The following QTMAN variants were observed in gnomAD, a reference collection of about 807,000 sequenced individuals.
QTMAN encodes the protein tRNA-queuosine alpha-mannosyltransferase.
chr2:144,120,878 C>T, the QTMAN span, among the ~76,000 whole-genome samples: 1 of 152,182 alleles, frequency 6.6e-6, no homozygotes, highest in Non-Finnish European at 1.5e-5. Flanking sequence ...ATCTTCGTTA[C>T]ATCCAAACCA....
the QTMAN span, among the ~76,000 whole-genome samples, chr2:144,191,841 TAA>T: frequency 6.6e-6 from 1 of 152,214 alleles, no homozygotes; most frequent in African/African-American, 2.4e-5. Context: ...CAAGAATCCA[TAA>T]GTTAATTATC....
chr2:144,268,995 G>A, the QTMAN span, among the ~76,000 whole-genome samples: 30 of 152,036 alleles, frequency 2.0e-4, no homozygotes. Flanking sequence ...CATCATGTTG[G>A]CCAGGGTGGT....
chr2:144,250,168 C>T, the QTMAN span, among the ~76,000 whole-genome samples: 1 of 149,338 alleles, frequency 6.7e-6, no homozygotes, highest in African/African-American at 2.5e-5. Flanking sequence ...TGGAGTCTCG[C>T]TCTGTCGCCC....
chr2:144,057,629 G>A, the QTMAN span, among the ~76,000 whole-genome samples: 1 of 152,112 alleles, frequency 6.6e-6, no homozygotes, highest in Non-Finnish European at 1.5e-5. Context: ...TTCTAATCAT[G>A]TGTCTATGTT....
chr2:144,274,903 G>C, the QTMAN span, among the ~76,000 whole-genome samples: 1 of 152,144 alleles, frequency 6.6e-6, no homozygotes, highest in Non-Finnish European at 1.5e-5. Context: ...GGGTTGTAGG[G>C]AGCAGTACTG....
the QTMAN span, among the ~76,000 whole-genome samples, chr2:144,329,540 T>C: frequency 2.0e-5 from 3 of 152,224 alleles, no homozygotes; most frequent in Non-Finnish European, 2.9e-5. Flanking sequence ...GGTCACTCAA[T>C]TCAGGTTGTC....
the QTMAN span, among the ~76,000 whole-genome samples, chr2:144,174,610 GT>G: frequency 1.3e-5 from 2 of 152,102 alleles, no homozygotes; most frequent in Non-Finnish European, 2.9e-5. Flanking sequence ...ATCCCCACGT[GT>G]TGTGGGAGGG....
chr2:144,273,057 C>T, the QTMAN span, among the ~76,000 whole-genome samples: 1 of 152,056 alleles, frequency 6.6e-6, no homozygotes, highest in Non-Finnish European at 1.5e-5. Context: ...CAGAAATATA[C>T]ATACCTAATA....
the QTMAN span, chr2:144,177,172 G>A: frequency 1.4e-6 from 1 of 702,046 alleles, no homozygotes; most frequent in African/African-American, 1.8e-5. Context: ...ATGAGATTTG[G>A]GCAAGGCATA....
At chr2:144,311,412 T>C in the QTMAN span, among the ~76,000 whole-genome samples, 1 of 152,182 alleles carries the variant, frequency 6.6e-6, no homozygotes, top group African/African-American at 2.4e-5. Context: ...GTGAGTAACG[T>C]TTCCAACTTG....
the QTMAN span, among the ~76,000 whole-genome samples, chr2:144,169,522 G>T: frequency 6.6e-6 from 1 of 151,900 alleles, no homozygotes; most frequent in Non-Finnish European, 1.5e-5. Flanking sequence ...ATGGATCATG[G>T]ATTTAATTCT....
At chr2:144,145,340 AAT>A in the QTMAN span, among the ~76,000 whole-genome samples, 1 of 151,914 alleles carries the variant, frequency 6.6e-6, no homozygotes, top group Non-Finnish European at 1.5e-5. Flanking sequence ...TGTTGTGAAA[AAT>A]AGATAATTAG....
At chr2:144,311,910 C>CGTAA in the QTMAN span, among the ~76,000 whole-genome samples, 1 of 152,232 alleles carries the variant, frequency 6.6e-6, no homozygotes, top group Non-Finnish European at 1.5e-5. Flanking sequence ...CAGTACCTTA[C>CGTAA]ATATTCTGTT....
the QTMAN span, among the ~76,000 whole-genome samples, chr2:144,010,799 T>C: frequency 2.6e-5 from 4 of 152,112 alleles, no homozygotes; most frequent in African/African-American, 9.7e-5. Context: ...GAAGGGTACA[T>C]AATAAGAGTC....
chr2:144,196,027 A>G, the QTMAN span, among the ~76,000 whole-genome samples: 3 of 152,152 alleles, frequency 2.0e-5, no homozygotes, highest in Non-Finnish European at 4.4e-5. Flanking sequence ...AAAATAGTAT[A>G]GAAAAATACT....
the QTMAN span, among the ~76,000 whole-genome samples, chr2:144,039,083 AAAGTGTG>A: frequency 6.6e-6 from 1 of 152,158 alleles, no homozygotes; most frequent in Non-Finnish European, 1.5e-5. Flanking sequence ...ACCATTTCCC[AAAGTGTG>A]TTCTCAAAAA....
At chr2:144,153,326 A>C in the QTMAN span, among the ~76,000 whole-genome samples, 2 of 152,190 alleles carry the variant, frequency 1.3e-5, no homozygotes, top group Non-Finnish European at 2.9e-5. Context: ...TGAGAAGATA[A>C]AGAAATAAAT....
At chr2:144,128,280 C>T in the QTMAN span, 1 of 151,942 alleles carries the variant, frequency 6.6e-6, no homozygotes. Flanking sequence ...AACTCTTATT[C>T]CTCACTCTTC....
At chr2:144,051,595 T>C in the QTMAN span, among the ~76,000 whole-genome samples, 2 of 152,004 alleles carry the variant, frequency 1.3e-5, no homozygotes, top group Non-Finnish European at 2.9e-5. Context: ...AGCATGAGAG[T>C]TGCAAAAGAG....
Sources: gnomAD v4.1 joint callset for allele counts (sites outside exome capture counted in the v4.1 genomes callset) on GRCh38, gnomAD v4.1.1 for gene constraint, MANE v1.5 for transcripts, NCBI Gene and HGNC (gene_info 2026-07-23, HGNC 2026-07-21) for gene names.